The following TGFBI variants were observed in gnomAD, a reference collection of about 807,000 sequenced individuals.
TGFBI encodes transforming growth factor beta induced.
In TGFBI, 50 loss-of-function variants were observed where a neutral mutation model predicts 73.7. The observed-to-expected ratio is 0.68, with a 90% CI of 0.54 to 0.86. TGFBI has a LOEUF of 0.86. Ranked by LOEUF, TGFBI falls within the 40% of genes least tolerant of loss-of-function variation. TGFBI has a pLI of 0.00. For synonymous variants in TGFBI, 362 were observed against 360.5 expected, an observed-to-expected ratio of 1.00 and a Z score of -0.05; for missense variants, 839 against 877.0, an observed-to-expected ratio of 0.96 and a Z score of 0.55.
In TGFBI at chr5:136,049,274, C is replaced by CT. The variant is rs1751489610; in HGVS notation, c.772-164dup. The CT allele has an allele frequency of 7.0e-5, 64 of 909,546 alleles. 1 individual carries two copies. The South Asian group carries it at 1.2e-3, about 17-fold the overall frequency. The allele number at this position is 909,546 out of a possible 1,614,324, so 56.3% of individuals were successfully genotyped here. On this transcript the variant is annotated intron_variant, in intron 6 of 16. Coordinates refer to ENST00000442011, the MANE Select transcript of TGFBI (RefSeq NM_000358.3). ...TGGAGCTCAGGCCCAGCAAGGCCCC[C>CT]TGGGGGCCATGGTCATGGGTGAGCT...
intron 7 of TGFBI, among the ~76,000 whole-genome samples, chr5:136,050,748 T>A (rs1751519424): frequency 6.6e-6 from 1 of 152,190 alleles, no homozygotes; most frequent in Non-Finnish European, 1.5e-5. Context: ...ACCCTATACA[T>A]CTATACATTT....
intron 2 of TGFBI, among the ~76,000 whole-genome samples, chr5:136,043,274 T>TA (rs2126907398): frequency 6.6e-6 from 1 of 152,330 alleles, no homozygotes; most frequent in South Asian, 2.1e-4. Context: ...CTCAGTGTTT[T>TA]AGCCGTCCCC....
intron 2 of TGFBI, among the ~76,000 whole-genome samples, chr5:136,038,104 C>T (rs1187868693): frequency 6.6e-6 from 1 of 152,172 alleles, no homozygotes. Flanking sequence ...CACCAAACAG[C>T]GGAGATCGAC....
At chr5:136,059,606 G>A (rs1163489433) in intron 13 of TGFBI, among the ~76,000 whole-genome samples, 1 of 152,148 alleles carries the variant, frequency 6.6e-6, no homozygotes, top group Non-Finnish European at 1.5e-5. Flanking sequence ...CATCCCAAGA[G>A]GCTTTTTGAG....
At chr5:136,034,049 T>C (rs550896115) in intron 2 of TGFBI, among the ~76,000 whole-genome samples, 188 bp downstream of exon 2, 62 of 152,312 alleles carry the variant, frequency 4.1e-4, no homozygotes, top group African/African-American at 1.4e-3. Context: ...GTTTTGCATT[T>C]TTAAGGCTGC....
chr5:136,061,405 C>A, intron 14 of TGFBI, 95 bp from the exon 15 acceptor site: 1 of 874,118 alleles, frequency 1.1e-6, no homozygotes, highest in Non-Finnish European at 1.9e-6. Context: ...GAAATGTGAG[C>A]CAGAAAGCCC....
chr5:136,045,402 G>T (rs1751410501), intron 3 of TGFBI, among the ~76,000 whole-genome samples: 1 of 152,108 alleles, frequency 6.6e-6, no homozygotes, highest in Non-Finnish European at 1.5e-5. Flanking sequence ...AAAATTAGCT[G>T]GGTGTGGTGG....
intron 10 of TGFBI, 107 bp downstream of exon 10, chr5:136,054,968 G>C: frequency 7.5e-7 from 1 of 1,334,912 alleles, no homozygotes; most frequent in Non-Finnish European, 1.0e-6. Context: ...ATGAGAACTG[G>C]TTGCTGACAA....
At chr5:136,051,880 A>C (rs1320972308) in intron 7 of TGFBI, among the ~76,000 whole-genome samples, 1 of 152,198 alleles carries the variant, frequency 6.6e-6, no homozygotes. Context: ...CGGGCTTCCA[A>C]GGCCATCAAC....
chr5:136,062,757 G>T (rs1376454705), intron 16 of TGFBI, 70 bp downstream of exon 16: 1 of 1,477,760 alleles, frequency 6.8e-7, no homozygotes, highest in African/African-American at 1.4e-5. Context: ...GCCCAAGCCT[G>T]CCATCTGCTG....
intron 2 of TGFBI, among the ~76,000 whole-genome samples, chr5:136,041,566 G>T (rs374226820): frequency 1.1e-4 from 17 of 152,204 alleles, no homozygotes; most frequent in African/African-American, 3.9e-4. Flanking sequence ...TTGATGGAAT[G>T]CAGCAAGAGT....
At chr5:136,031,299 A>G (rs1561604750) in intron 1 of TGFBI, among the ~76,000 whole-genome samples, 1 of 152,254 alleles carries the variant, frequency 6.6e-6, no homozygotes, top group African/African-American at 2.4e-5. Flanking sequence ...GTGCAAATGG[A>G]TAACGTTGTT....
intron 12 of TGFBI, 22 bp downstream of exon 12, chr5:136,056,817 C>T (rs201518300): frequency 2.7e-5 from 43 of 1,601,062 alleles, no homozygotes; most frequent in Non-Finnish European, 3.3e-5. Context: ...CTTAAGTACA[C>T]GTCTCCATTT....
chr5:136,039,856 G>T (rs1751298462), intron 2 of TGFBI, among the ~76,000 whole-genome samples: 1 of 152,162 alleles, frequency 6.6e-6, no homozygotes, highest in Non-Finnish European at 1.5e-5. Flanking sequence ...CCAAGACCAG[G>T]AGGGCAGAAA....
At chr5:136,046,807 A>G (rs1190948575) in intron 4 of TGFBI, 44 bp from the exon 5 acceptor site, 2 of 1,588,938 alleles carry the variant, frequency 1.3e-6, no homozygotes, top group Non-Finnish European at 1.7e-6. Context: ...TCTCTTAAAC[A>G]CAGAGTCTGC....
At chr5:136,063,156 T>C (rs1751779900) in intron 16 of TGFBI, 30 bp from the exon 17 acceptor site, 1 of 1,607,530 alleles carries the variant, frequency 6.2e-7, no homozygotes. Context: ...GATCTGCACC[T>C]ATTTGACGTT....
chr5:136,063,383 G>A lies in TGFBI; in HGVS notation c.*157G>A. ...ATGTGAGCCTTGTGCATGTGGGGGA[G>A]GAGGGAGAGAGATGTACTTTTTAAA... On this transcript the variant is annotated 3_prime_UTR_variant, in exon 17 of 17. Transcript: ENST00000442011. 1 of 674,544 alleles carries A rather than the reference G, an allele frequency of 1.5e-6. No homozygotes were observed. The highest frequency in any genetic ancestry group is 2.6e-6 in the Non-Finnish European group (1 of 384,844). The allele number at this position is 674,544 out of a possible 1,614,324, so 41.8% of individuals were successfully genotyped here. A position where few individuals can be genotyped will look rare whatever the true frequency, so the allele number is the denominator to read the frequency against.
chr5:136,053,975 G>A lies in TGFBI; in HGVS notation c.1159G>A (p.Asp387Asn), dbSNP rs771637478. The A allele has an allele frequency of 3.1e-6, 5 of 1,613,924 alleles. No homozygotes were observed. Among genetic ancestry groups the A allele is most frequent in the Non-Finnish European group, 4.2e-6 (5 of 1,179,906 alleles). ...ACTATTTGAATTGGCTGCAGAGTCTGATGTGTCCACAGCCATTGACCTTTT... is the reference window on the plus strand; with the variant it reads ...ACTATTTGAATTGGCTGCAGAGTCTAATGTGTCCACAGCCATTGACCTTTT... ...KTLFELAAESDVSTAIDLFRQ... is the reference protein window; with the variant it reads ...KTLFELAAESNVSTAIDLFRQ... Residue 387 changes from aspartate to asparagine, a missense_variant, in exon 9 of 17, where the codon GAT becomes AAT. Coordinates refer to ENST00000442011, the MANE Select transcript of TGFBI (RefSeq NM_000358.3).
At chr5:136,045,189 C>T (rs763234404) in intron 3 of TGFBI, among the ~76,000 whole-genome samples, 3 of 152,134 alleles carry the variant, frequency 2.0e-5, no homozygotes, top group Non-Finnish European at 4.4e-5. Flanking sequence ...GGACGATCAC[C>T]TGAGCCAAGA....
Sources: allele counts gnomAD v4.1 joint callset (sites outside exome capture counted in the v4.1 genomes callset), GRCh38; gene constraint gnomAD v4.1.1; transcripts MANE v1.5; gene names NCBI Gene and HGNC (gene_info 2026-07-23, HGNC 2026-07-21).